Variants in RYR1 observed in about 807,000 individuals in gnomAD.
The protein encoded by RYR1 is central core disease of muscle.
Under a neutral mutation model 583.5 loss-of-function variants are expected in RYR1, and 342 were observed. The ratio of observed to expected loss-of-function variants is 0.59; its 90% CI spans 0.54 to 0.64. The LOEUF is 0.64. RYR1 is among the 30% of genes least tolerant of loss of function. The pLI, the probability that RYR1 is intolerant of heterozygous loss-of-function variation, is 0.00. For missense variants in RYR1, 6,032 were observed against 6,917.2 expected, an observed-to-expected ratio of 0.87 and a Z score of 4.54; for synonymous variants, 2,791 against 2,822.5, an observed-to-expected ratio of 0.99 and a Z score of 0.35.
rs1334927283 is a variant in RYR1, at chr19:38,586,585, G to A, written c.15021+9G>A. 3.1e-6 allele frequency: 5 copies of A among 1,613,896 alleles called. No homozygotes were observed. The highest frequency in any genetic ancestry group is 1.3e-5 in the African/African-American group (1 of 75,048). On this transcript the variant is annotated intron_variant, in intron 105 of 105. Coordinates refer to ENST00000359596, the MANE Select transcript of RYR1 (RefSeq NM_000540.3). ...CAGAACACACGGGTCAGGTAAGGGGGTGTTAATGGGAGGACAGTGGGCAGG... is the reference window on the plus strand; with the variant it reads ...CAGAACACACGGGTCAGGTAAGGGGATGTTAATGGGAGGACAGTGGGCAGG...
At position 38,450,563 on chromosome 19, in the gene RYR1, T is replaced by C. The variant is rs10420290; in HGVS notation, c.1123-1201T>C. 4.5e-3 allele frequency among the ~76,000 whole-genome samples: 687 copies of C among 151,714 alleles called. 9 individuals carry two copies. The highest frequency in any genetic ancestry group is 0.016 in the African/African-American group (661 of 41,332). ...GAAAAATGGGTTGAAATGCAGGGGG[T>C]TCCATGGTGAAATGCAGGGGGCTTT... On this transcript the variant is annotated intron_variant, in intron 11 of 105. Coordinates refer to ENST00000359596, the MANE Select transcript of RYR1 (RefSeq NM_000540.3).
Position 38,536,004 on chromosome 19 carries a change from G to A in RYR1, c.11524G>A (p.Asp3842Asn). 1 of 1,613,838 alleles carries A rather than the reference G, an allele frequency of 6.2e-7. No homozygotes were observed. ...TTCCTTTCTTTTCCTCAGCGTCCTG[G>A]ATCTCAATGCCTTTGAGAGACAGAA... ...QALMQTCSVLDLNAFERQNKA... is the reference protein window; with the variant it reads ...QALMQTCSVLNLNAFERQNKA... The change falls in exon 82 of 106, where the codon GAT (aspartate) becomes AAT (asparagine). Residue 3842 changes from aspartate to asparagine, a missense_variant. This residue lies in a region of RYR1 where 1,493 missense variants were observed against 1,715.5 expected (regional missense o/e 0.87). Coordinates refer to ENST00000359596, the MANE Select transcript of RYR1 (RefSeq NM_000540.3).
intron 87 of RYR1, among the ~76,000 whole-genome samples, chr19:38,544,380 C>T (rs1388577480): frequency 6.6e-6 from 1 of 152,200 alleles, no homozygotes; most frequent in African/African-American, 2.4e-5. Context: ...CACCCCTTTG[C>T]AGCCTTGCCA....
Position 38,543,590 on chromosome 19 carries a change from G to T in RYR1, c.11837G>T (p.Gly3946Val). ...GGCAAGGATGTCATTGAAGAGCAGG[G>T]CAAGAGGAACTTCTCCAAAGCCATG... is the stretch of plus-strand genomic sequence containing the variant. The part of the protein sequence containing the change: ...YSGKDVIEEQ[G>V]KRNFSKAMSV... The change falls in exon 86 of 106, where the codon GGC (glycine) becomes GTC (valine). Residue 3946 changes from glycine (G) to valine (V), a missense_variant. By Grantham distance (109) the Gly-to-Val change is moderately radical. Around this residue, in one of 11 missense-constraint regions of RYR1, gnomAD observed 82 missense variants for 139.7 expected, o/e 0.59. Coordinates refer to ENST00000359596, the MANE Select transcript of RYR1 (RefSeq NM_000540.3). The surrounding 1 kb of genome is among the most constrained non-coding windows in gnomAD (Gnocchi z 4.4). 6.2e-7 allele frequency: 1 copy of T among 1,614,196 alleles called. No homozygotes were observed. Among genetic ancestry groups the T allele is most frequent in the Non-Finnish European group, 8.5e-7 (1 of 1,180,042 alleles).
chr19:38,488,646 C>T (rs772342641), intron 34 of RYR1, among the ~76,000 whole-genome samples: 4 of 152,088 alleles, frequency 2.6e-5, no homozygotes, highest in African/African-American at 4.8e-5. Context: ...GGAATACAGG[C>T]GTGCACCACC....
At chr19:38,504,653 A>C in intron 50 of RYR1, 95 bp from the exon 51 acceptor site, 2 of 1,520,808 alleles carry the variant, frequency 1.3e-6, no homozygotes, top group Non-Finnish European at 1.8e-6. Flanking sequence ...GGGTTCAGGG[A>C]GGAGGGCTGA....
intron 69 of RYR1, 144 bp downstream of exon 69, chr19:38,523,453 C>T: frequency 1.2e-6 from 1 of 836,740 alleles, no homozygotes; most frequent in Non-Finnish European, 2.0e-6. Context: ...TACCTCCTCT[C>T]CCTCTCCCTT....
At chr19:38,581,451 G>A (rs1014553684) in intron 101 of RYR1, among the ~76,000 whole-genome samples, 2 of 152,244 alleles carry the variant, frequency 1.3e-5, no homozygotes, top group South Asian at 2.1e-4. Flanking sequence ...CTGTGCCGTC[G>A]TGATCTGCCC....
In RYR1 at chr19:38,543,972, G is replaced by A. The variant is rs78884140; in HGVS notation, c.12012+97G>A. The A allele has an allele frequency of 0.042, 51,301 of 1,208,200 alleles. 1,400 individuals are homozygous for A. The highest frequency in any genetic ancestry group is 0.068 in the Middle Eastern group (257 of 3,784). 74.8% of individuals were successfully genotyped at this position (1,208,200 alleles called of 1,614,324 possible). ...CCTTTGGTCAGTTTGTCACCCGAGT[G>A]CTCCCGGCATGTTCCAGACTGGTTC... is the stretch of plus-strand genomic sequence containing the variant. On this transcript the variant is annotated intron_variant, in intron 87 of 105. Transcript: ENST00000359596. The surrounding 1 kb of genome is among the most constrained non-coding windows in gnomAD (Gnocchi z 4.4).
intron 11 of RYR1, among the ~76,000 whole-genome samples, chr19:38,450,164 G>C (rs1285338567): frequency 6.6e-6 from 1 of 152,228 alleles, no homozygotes; most frequent in African/African-American, 2.4e-5. Context: ...GACAGAGCCA[G>C]AGCAGGGAGA....
chr19:38,486,131 G>A lies in RYR1; in HGVS notation c.5476G>A (p.Ala1826Thr), dbSNP rs757710320. ...GGCGGTGCGCGACGGTGGGCAGCAC[G>A]CTCGCGACCCCGTCGGGGGCTCCGT... is the stretch of plus-strand genomic sequence containing the variant. ...GEAVRDGGQH[A>T]RDPVGGSVEF... is the part of the protein sequence containing the mutation. Residue 1826 changes from alanine (A) to threonine (T), a missense_variant, in exon 34 of 106, where the codon GCT becomes ACT. Physicochemically the swap from Ala to Thr is moderately conservative, Grantham distance 58 (BLOSUM62 0). This residue lies in a region of RYR1 where 2,627 missense variants were observed against 2,961.3 expected (regional missense o/e 0.89). Coordinates refer to ENST00000359596, the MANE Select transcript of RYR1 (RefSeq NM_000540.3). The A allele has an allele frequency of 4.3e-6, 7 of 1,613,088 alleles. No individual in the cohort carries two copies. The Admixed American group carries it at 5.0e-5, about 12-fold the overall frequency.
chr19:38,534,550 G>A (rs1402613412), intron 78 of RYR1, among the ~76,000 whole-genome samples, 170 bp from the exon 79 acceptor site: 1 of 152,200 alleles, frequency 6.6e-6, no homozygotes, highest in Non-Finnish European at 1.5e-5. Flanking sequence ...CCCGTGCTAG[G>A]TACAGGAGAT....
chr19:38,463,595 C>T lies in RYR1; in HGVS notation c.2682+68C>T, dbSNP rs376708765. 1.4e-5 allele frequency: 21 copies of T among 1,539,936 alleles called. No homozygotes were observed. The African/African-American group carries it at 2.6e-4, about 19-fold the overall frequency. On this transcript the variant is annotated intron_variant, in intron 21 of 105. Transcript: ENST00000359596. ...CGGTGCCAGGAGGGAGAGCGGCTCACCGGCGGAGAGGAGGGAGGGACCACA... is the reference window on the plus strand; with the variant it reads ...CGGTGCCAGGAGGGAGAGCGGCTCATCGGCGGAGAGGAGGGAGGGACCACA...
intron 95 of RYR1, among the ~76,000 whole-genome samples, chr19:38,572,824 C>T (rs1400007286): frequency 1.3e-5 from 2 of 151,366 alleles, no homozygotes; most frequent in African/African-American, 2.4e-5. Context: ...GACACCCCTG[C>T]CTGTGCCTCT....
Position 38,444,774 on chromosome 19 carries a change from G to C in RYR1, c.631+97G>C. On this transcript the variant is annotated intron_variant, in intron 7 of 105. Coordinates refer to ENST00000359596, the MANE Select transcript of RYR1 (RefSeq NM_000540.3). This position sits in a 1 kb window ranked among gnomAD's most constrained non-coding sequence, Gnocchi z 5.1. ...ACCCAAATGGAGCCTTGGAACCTCA[G>C]ACCTCAAACCTAGATCTCCAAATTA... 1.1e-6 allele frequency: 1 copy of C among 931,202 alleles called. No individual in the cohort carries two copies. The highest frequency in any genetic ancestry group is 1.7e-6 in the Non-Finnish European group (1 of 585,816). The allele number at this position is 931,202 out of a possible 1,614,324, so 57.7% of individuals were successfully genotyped here.
chr19:38,442,074 A>G (rs1193393965), intron 2 of RYR1, among the ~76,000 whole-genome samples: 3 of 150,630 alleles, frequency 2.0e-5, no homozygotes, highest in Non-Finnish European at 3.0e-5. Flanking sequence ...AACACGGGTT[A>G]GTGGGGAGGG....
Position 38,481,878 on chromosome 19 carries a change from A to G in RYR1, c.4621-1149A>G, listed in dbSNP as rs1969028355. ...CGAGTTGGGCAGATCACCTAAGGTC[A>G]GGAGTTCGAGACCAGCCTGACCAAC... On this transcript the variant is annotated intron_variant, in intron 31 of 105. Transcript: ENST00000359596. 2.0e-5 allele frequency among the ~76,000 whole-genome samples: 3 copies of G among 152,156 alleles called. No homozygotes were observed. In the South Asian group the frequency reaches 6.2e-4, roughly 31 times the overall value.
Position 38,502,944 on chromosome 19 carries a change from A to G in RYR1, c.7900A>G (p.Asn2634Asp). 6.2e-7 allele frequency: 1 copy of G among 1,610,724 alleles called. No individual in the cohort carries two copies. Among genetic ancestry groups the G allele is most frequent in the Non-Finnish European group, 8.5e-7 (1 of 1,179,966 alleles). Reference sequence around the variant, plus strand: ...CCTGGTGTTCGACGTGCCCATCCTCAACGAGTTCGCCAAGATGCCACTCAA... The same window carrying G: ...CCTGGTGTTCGACGTGCCCATCCTCGACGAGTTCGCCAAGATGCCACTCAA... Reference protein sequence around the residue: ...RRLVFDVPILNEFAKMPLKLL... With the variant: ...RRLVFDVPILDEFAKMPLKLL... The change falls in exon 49 of 106, where the codon AAC becomes GAC. Residue 2634 changes from asparagine (N) to aspartate (D), a missense_variant. Physicochemically the swap from Asn to Asp is conservative, Grantham distance 23 (BLOSUM62 1). Transcript: ENST00000359596.
rs57273154 is a variant in RYR1, at chr19:38,461,747, G to A, written c.2577+1156G>A. 1.2e-4 allele frequency among the ~76,000 whole-genome samples: 11 copies of A among 94,750 alleles called. 1 individual carries two copies. The highest frequency in any genetic ancestry group is 1.5e-4 in the African/African-American group (4 of 27,470). 62.2% of individuals were successfully genotyped at this position (94,750 alleles called of 152,430 possible). On this transcript the variant is annotated intron_variant, in intron 20 of 105. Transcript: ENST00000359596. The stretch of plus-strand genomic sequence containing the variant: ...AAAAAAAAAAAAAAAAAAAGAAAGG[G>A]AGAGAGAGAGAGAAAGAAAGAAAAA...
Sources: allele counts gnomAD v4.1 joint callset (sites outside exome capture counted in the v4.1 genomes callset), GRCh38; gene constraint gnomAD v4.1.1; regional missense constraint gnomAD v4.1.1; non-coding constraint Gnocchi (gnomAD v3.1); transcripts MANE v1.5; gene names NCBI Gene and HGNC (gene_info 2026-07-23, HGNC 2026-07-21).